Variants in SH3RF3 observed in about 807,000 individuals in gnomAD.
SH3RF3 encodes the protein SH3 domain containing ring finger 3, also known as E3 ubiquitin-protein ligase SH3RF3.
In SH3RF3, 29 loss-of-function variants were observed where a neutral mutation model predicts 66.3. That is an observed-to-expected ratio of 0.44 (90% CI 0.33 to 0.60). The LOEUF is 0.60. Ranked by LOEUF, SH3RF3 falls within the 20% of genes least tolerant of loss-of-function variation. SH3RF3 has a pLI of 0.04. For synonymous variants in SH3RF3, 583 were observed against 532.0 expected, an observed-to-expected ratio of 1.10 and a Z score of -1.32; for missense variants, 1,194 against 1,190.9, an observed-to-expected ratio of 1.00 and a Z score of -0.04.
intron 5 of SH3RF3, 90 bp from the exon 6 acceptor site, chr2:109,432,411 C>T: frequency 6.5e-7 from 1 of 1,531,624 alleles, no homozygotes; most frequent in Non-Finnish European, 8.8e-7. Flanking sequence ...GGTTGGGTTC[C>T]TCCAAAGACA....
At chr2:109,501,370 G>T in intron 9 of SH3RF3, 133 bp from the exon 10 acceptor site, 1 of 519,906 alleles carries the variant, frequency 1.9e-6, no homozygotes, top group Non-Finnish European at 3.5e-6. Context: ...TAAAAATAAA[G>T]ATAAATAGAA....
chr2:109,198,464 A>G (rs780760777), intron 1 of SH3RF3, among the ~76,000 whole-genome samples: 12 of 152,212 alleles, frequency 7.9e-5, no homozygotes, highest in Middle Eastern at 3.2e-3. Context: ...TTGGAGGATG[A>G]TAGCTGTCTG....
chr2:109,219,051 C>T (rs1191186350), intron 1 of SH3RF3, among the ~76,000 whole-genome samples: 2 of 152,106 alleles, frequency 1.3e-5, no homozygotes, highest in Non-Finnish European at 2.9e-5. Flanking sequence ...GCTCAGTCCT[C>T]ATTTAGCTGA....
chr2:109,437,722 T>A (rs1677444401), intron 7 of SH3RF3, among the ~76,000 whole-genome samples: 1 of 151,378 alleles, frequency 6.6e-6, no homozygotes, highest in South Asian at 2.1e-4. Context: ...CTGGAGAAAC[T>A]TAAGGAAAAC....
chr2:109,260,381 A>G (rs1680321030), intron 1 of SH3RF3, among the ~76,000 whole-genome samples: 1 of 152,182 alleles, frequency 6.6e-6, no homozygotes, highest in Non-Finnish European at 1.5e-5. Flanking sequence ...GTGCCCTTCC[A>G]GGAACCACCA....
intron 1 of SH3RF3, among the ~76,000 whole-genome samples, chr2:109,286,157 C>T (rs1403169531): frequency 6.6e-6 from 1 of 152,168 alleles, no homozygotes; most frequent in Non-Finnish European, 1.5e-5. Flanking sequence ...TTTTCCAAGT[C>T]ACTTTATTCA....
chr2:109,167,705 G>A (rs903356742), intron 1 of SH3RF3, among the ~76,000 whole-genome samples: 3 of 152,162 alleles, frequency 2.0e-5, no homozygotes, highest in African/African-American at 7.2e-5. Context: ...CCGAGTAGCT[G>A]GGACTACAGA....
At chr2:109,142,457 C>A (rs1174908752) in intron 1 of SH3RF3, among the ~76,000 whole-genome samples, 2 of 152,212 alleles carry the variant, frequency 1.3e-5, no homozygotes, top group Non-Finnish European at 2.9e-5. Flanking sequence ...CATTCCCTGG[C>A]CCCCAGCACC....
intron 1 of SH3RF3, among the ~76,000 whole-genome samples, chr2:109,269,102 C>T (rs959337451): frequency 9.9e-5 from 15 of 152,134 alleles, no homozygotes; most frequent in Non-Finnish European, 2.2e-4. Context: ...GCACAAGGGC[C>T]GCACGTGGAT....
At chr2:109,157,135 G>A (rs73952860) in intron 1 of SH3RF3, among the ~76,000 whole-genome samples, 118 of 152,286 alleles carry the variant, frequency 7.7e-4, no homozygotes, top group African/African-American at 2.8e-3. Context: ...TAGGATGAGA[G>A]CACTTGAATT....
At chr2:109,255,054 G>T (rs1257688944) in intron 1 of SH3RF3, among the ~76,000 whole-genome samples, 3 of 152,210 alleles carry the variant, frequency 2.0e-5, no homozygotes, top group Non-Finnish European at 4.4e-5. Flanking sequence ...CAAGCCTGCA[G>T]TCCTCCTAAG....
At chr2:109,367,119 A>ATTT (rs150005222) in intron 2 of SH3RF3, among the ~76,000 whole-genome samples, 41 of 113,302 alleles carry the variant, frequency 3.6e-4, no homozygotes, top group South Asian at 9.4e-4. Context: ...TGCCCTGGTA[A>ATTT]TTTTTTTTTT....
At chr2:109,325,950 T>C (rs1230084477) in intron 1 of SH3RF3, among the ~76,000 whole-genome samples, 2 of 152,238 alleles carry the variant, frequency 1.3e-5, no homozygotes, top group African/African-American at 4.8e-5. Context: ...TTAATGATAT[T>C]TTCACTGTGA....
intron 1 of SH3RF3, among the ~76,000 whole-genome samples, chr2:109,190,276 T>C (rs11898060): frequency 0.86 from 130,434 of 151,920 alleles, 56,116 homozygotes; most frequent in African/African-American, 0.91. Context: ...CGGGTTCAAG[T>C]GATTCTTCTG....
intron 1 of SH3RF3, among the ~76,000 whole-genome samples, chr2:109,173,518 T>G (rs1348895983): frequency 6.6e-6 from 1 of 152,142 alleles, no homozygotes; most frequent in Non-Finnish European, 1.5e-5. Flanking sequence ...GCCTGCAGGC[T>G]ATGTATTGTC....
At chr2:109,454,574 C>A in intron 8 of SH3RF3, among the ~76,000 whole-genome samples, 1 of 152,268 alleles carries the variant, frequency 6.6e-6, no homozygotes, top group East Asian at 1.9e-4. Flanking sequence ...GCTGAGGTTC[C>A]CCAAGGCTCT....
chr2:109,303,997 A>C (rs983904863), intron 1 of SH3RF3, among the ~76,000 whole-genome samples: 2 of 152,064 alleles, frequency 1.3e-5, no homozygotes, highest in African/African-American at 2.4e-5. Context: ...GCTACTTCAG[A>C]GGCTGAGGCA....
chr2:109,315,825 A>G (rs17035421), intron 1 of SH3RF3, among the ~76,000 whole-genome samples: 47,380 of 152,000 alleles, frequency 0.31, 9,149 homozygotes, highest in African/African-American at 0.55. Flanking sequence ...TTTCCACCCT[A>G]GAATGACCTT....
intron 9 of SH3RF3, among the ~76,000 whole-genome samples, chr2:109,495,932 A>G (rs1679247101): frequency 6.6e-6 from 1 of 152,208 alleles, no homozygotes; most frequent in South Asian, 2.1e-4. Flanking sequence ...ATAATAATAT[A>G]TGCTATTGTG....
Sources: allele counts gnomAD v4.1 joint callset (sites outside exome capture counted in the v4.1 genomes callset), GRCh38; gene constraint gnomAD v4.1.1; transcripts MANE v1.5; gene names NCBI Gene and HGNC (gene_info 2026-07-23, HGNC 2026-07-21).